MYO16: variants seen among roughly 807,000 people sequenced by gnomAD.
The protein encoded by MYO16 is myosin XVI.
Under a neutral mutation model 205.3 loss-of-function variants are expected in MYO16, and 94 were observed. The ratio of observed to expected loss-of-function variants is 0.46; its 90% CI spans 0.39 to 0.54. MYO16 has a LOEUF of 0.54. MYO16 is among the 20% of genes least tolerant of loss of function. The probability of loss-of-function intolerance (pLI) is 0.00; values close to 1 mark genes in which losing one functional copy is unlikely to be tolerated. For missense variants in MYO16, 2,315 were observed against 2,387.5 expected, an observed-to-expected ratio of 0.97 and a Z score of 0.63; for synonymous variants, 988 against 954.0, an observed-to-expected ratio of 1.04 and a Z score of -0.66.
At chr13:108,626,054 T>C (rs1349527498), upstream of MYO16, among the ~76,000 whole-genome samples, 1 of 152,190 alleles carries the variant, frequency 6.6e-6, no homozygotes, top group African/African-American at 2.4e-5. Context: ...AACTTTTGAA[T>C]GCTTATCTCT....
intron 1 of MYO16, among the ~76,000 whole-genome samples, chr13:108,619,406 T>C (rs1212826926): frequency 6.6e-6 from 1 of 152,152 alleles, no homozygotes; most frequent in African/African-American, 2.4e-5. Flanking sequence ...CTTCCCTTGA[T>C]AAAATCTTAC....
At chr13:108,701,550 G>A (rs1260704444) in intron 2 of MYO16, among the ~76,000 whole-genome samples, 1 of 152,154 alleles carries the variant, frequency 6.6e-6, no homozygotes, top group Non-Finnish European at 1.5e-5. Flanking sequence ...ATATAGAACA[G>A]TTAGAAAATA....
At position 108,824,888 on chromosome 13, in the gene MYO16, C is replaced by CAGCA. The variant is rs371673298; in HGVS notation, c.1097+1613_1097+1616dup. ...GAAAGAGAACATTGGAATAGACCTACAGCAAGTAAAGAGATTGAATTAGTC... is the reference window on the plus strand; with the variant it reads ...GAAAGAGAACATTGGAATAGACCTACAGCAAGCAAGTAAAGAGATTGAATTAGTC... On this transcript the variant is annotated intron_variant, in intron 9 of 34. Coordinates refer to ENST00000457511, the MANE Select transcript of MYO16 (RefSeq NM_001198950.3). Among the ~76,000 whole-genome samples, 200 of 152,070 alleles carry CAGCA rather than the reference C, an allele frequency of 1.3e-3. 1 individual carries two copies. Among genetic ancestry groups the CAGCA allele is most frequent in the African/African-American group, 4.7e-3 (194 of 41,522 alleles).
At chr13:109,201,892 C>T (rs1351777575) in intron 34 of MYO16, among the ~76,000 whole-genome samples, 2 of 152,110 alleles carry the variant, frequency 1.3e-5, no homozygotes, top group African/African-American at 4.8e-5. Context: ...GAACAATAGT[C>T]TCCAATCCCA....
intron 16 of MYO16, among the ~76,000 whole-genome samples, chr13:108,938,391 T>C (rs2139308272): frequency 6.6e-6 from 1 of 152,354 alleles, no homozygotes; most frequent in African/African-American, 2.4e-5. Flanking sequence ...TGCTCAGCCC[T>C]GGGGGTCAGG....
At chr13:108,778,578 C>T (rs1886199681) in intron 4 of MYO16, among the ~76,000 whole-genome samples, 1 of 152,142 alleles carries the variant, frequency 6.6e-6, no homozygotes, top group Admixed American at 6.5e-5. Flanking sequence ...AAGATCGCGC[C>T]ACTGCACTCC....
At chr13:108,795,140 AG>A (rs896465691) in intron 6 of MYO16, among the ~76,000 whole-genome samples, 7 of 151,938 alleles carry the variant, frequency 4.6e-5, no homozygotes, top group African/African-American at 1.7e-4. Flanking sequence ...AATTTAGAAA[AG>A]TCTAACTTCA....
At chr13:109,001,139 G>A (rs1594459271) in intron 21 of MYO16, among the ~76,000 whole-genome samples, 1 of 149,518 alleles carries the variant, frequency 6.7e-6, no homozygotes. Context: ...GAGAAGGAAA[G>A]ATGATTGATT....
In MYO16 at chr13:109,026,752, T is replaced by C. The variant is rs118071715; in HGVS notation, c.2796+6841T>C. 3.7e-4 allele frequency among the ~76,000 whole-genome samples: 56 copies of C among 152,300 alleles called. No individual in the cohort carries two copies. The East Asian group carries it at 9.7e-3, about 26-fold the overall frequency. ...CCCTTTTCTTTGTCTTTCCAAATCT[T>C]ATCCATCTTCCCTCAGATCAAGTTC... On this transcript the variant is annotated intron_variant, in intron 23 of 34. Transcript: ENST00000457511.
At chr13:109,086,107 C>T (rs1348900539) in intron 27 of MYO16, among the ~76,000 whole-genome samples, 1 of 151,874 alleles carries the variant, frequency 6.6e-6, no homozygotes, top group African/African-American at 2.4e-5. Context: ...CCAAGATAGA[C>T]ATCATTTGTG....
rs534134220 is a variant in MYO16, at chr13:108,699,709, T to C, written c.293-12952T>C. Among the ~76,000 whole-genome samples, 6 of 152,314 alleles carry C rather than the reference T, an allele frequency of 3.9e-5. No homozygotes were observed. The East Asian group carries it at 7.7e-4, about 20-fold the overall frequency. On this transcript the variant is annotated intron_variant, in intron 2 of 34. Coordinates refer to ENST00000457511, the MANE Select transcript of MYO16 (RefSeq NM_001198950.3). ...TCCCGCCAGACAATTTGTACCACAATTGGATATGTTAAAAGTTCTGTAGAA... is the reference window on the plus strand; with the variant it reads ...TCCCGCCAGACAATTTGTACCACAACTGGATATGTTAAAAGTTCTGTAGAA...
intron 1 of MYO16, among the ~76,000 whole-genome samples, chr13:108,663,003 C>G (rs938089759): frequency 2.0e-5 from 3 of 152,176 alleles, no homozygotes; most frequent in Non-Finnish European, 4.4e-5. Flanking sequence ...GGAAACTTCT[C>G]CCACAGACAG....
Position 108,820,385 on chromosome 13 carries a change from G to A in MYO16, c.916G>A (p.Val306Met), listed in dbSNP as rs41308564. 53,011 of 1,606,406 alleles carry A rather than the reference G, an allele frequency of 0.033. 1,459 individuals carry two copies. The highest frequency in any genetic ancestry group is 0.14 in the East Asian group (6,189 of 44,206). Residue 306 changes from valine to methionine, a missense_variant, in exon 8 of 35, where the codon GTG becomes ATG. Val to Met is a conservative substitution (Grantham distance 21). Coordinates refer to ENST00000457511, the MANE Select transcript of MYO16 (RefSeq NM_001198950.3). ...GATGCATCAGGCAAACCCACACCTC[G>A]TGAACTGTAATGAGGAGAAGGCGTC... ...LLMHQANPHLVNCNEEKASDI... is the reference protein window; with the variant it reads ...LLMHQANPHLMNCNEEKASDI...
chr13:108,887,119 G>C (rs1879938326), intron 13 of MYO16, among the ~76,000 whole-genome samples: 1 of 152,088 alleles, frequency 6.6e-6, no homozygotes. Flanking sequence ...CAATCAAAAC[G>C]CAAGTAGTCC....
At chr13:108,520,989 TTTCC>T in the MYO16 span, among the ~76,000 whole-genome samples, 18 of 152,278 alleles carry the variant, frequency 1.2e-4, no homozygotes, top group Admixed American at 2.0e-4. Context: ...TTTTTCCTTC[TTTCC>T]TTCCTTCCTT....
intron 1 of MYO16, among the ~76,000 whole-genome samples, chr13:108,622,368 C>A (rs1879575725): frequency 6.6e-6 from 1 of 152,084 alleles, no homozygotes; most frequent in Admixed American, 6.6e-5. Flanking sequence ...GGAATTTGAA[C>A]CTCAACCAGG....
At chr13:108,535,166 AT>A in the MYO16 span, among the ~76,000 whole-genome samples, 2 of 148,434 alleles carry the variant, frequency 1.3e-5, no homozygotes, top group African/African-American at 5.0e-5. Context: ...CTTTTTAAAA[AT>A]TTTTTTAGCA....
At chr13:109,078,392 T>G (rs964833723) in intron 27 of MYO16, among the ~76,000 whole-genome samples, 23 of 152,034 alleles carry the variant, frequency 1.5e-4, no homozygotes, top group Admixed American at 9.2e-4. Flanking sequence ...TGAGCTGAGA[T>G]CTCATGCCAC....
intron 16 of MYO16, among the ~76,000 whole-genome samples, chr13:108,921,572 A>T (rs769038206): frequency 2.0e-5 from 3 of 152,230 alleles, no homozygotes; most frequent in Non-Finnish European, 4.4e-5. Flanking sequence ...ATCAATTGAT[A>T]TACATCAATA....
Sources: gnomAD v4.1 joint callset for allele counts (sites outside exome capture counted in the v4.1 genomes callset) on GRCh38, gnomAD v4.1.1 for gene constraint, MANE v1.5 for transcripts, NCBI Gene and HGNC (gene_info 2026-07-23, HGNC 2026-07-21) for gene names.